The following APLF variants were observed in gnomAD, a reference collection of about 807,000 sequenced individuals.
APLF encodes the protein aprataxin and PNK-like factor.
A neutral mutation model predicts 55.6 loss-of-function variants in APLF; 61 were observed. The observed-to-expected ratio is 1.10, with a 90% CI of 0.89 to 1.36. APLF has a LOEUF of 1.36. APLF is among the 40% of genes most tolerant of loss of function. The probability of loss-of-function intolerance (pLI) is 0.00; values close to 1 mark genes in which losing one functional copy is unlikely to be tolerated. For synonymous variants in APLF, 207 were observed against 214.8 expected (o/e 0.96, Z 0.32); for missense variants, 611 against 602.5 (o/e 1.01, Z -0.15).
chr2:68,520,551 G>A (rs1342751838), intron 5 of APLF, among the ~76,000 whole-genome samples: 2 of 151,980 alleles, frequency 1.3e-5, no homozygotes, highest in African/African-American at 4.8e-5. Context: ...AATTATCCCA[G>A]CACCATTTGT....
rs532957495 is a variant in APLF, at chr2:68,545,043, A to G, written c.1161-144A>G. 11 of 900,510 alleles carry G rather than the reference A, an allele frequency of 1.2e-5. No homozygotes were observed. In the African/African-American group the frequency reaches 1.8e-4, roughly 15 times the overall value. 55.8% of individuals were successfully genotyped at this position (900,510 alleles called of 1,614,324 possible). The stretch of plus-strand genomic sequence containing the variant: ...TGTCATCAATTTAGCATGTTGATGT[A>G]ATCTGCGCTTATGTCATCAATGTAG... On this transcript the variant is annotated intron_variant, in intron 7 of 9. Transcript: ENST00000303795.
At chr2:68,530,535 C>T (rs1237009168) in intron 6 of APLF, among the ~76,000 whole-genome samples, 1 of 152,112 alleles carries the variant, frequency 6.6e-6, no homozygotes, top group Non-Finnish European at 1.5e-5. Flanking sequence ...AGAAATTTGC[C>T]AGTGGATTAT....
At chr2:68,533,159 C>T (rs1366663891) in intron 6 of APLF, among the ~76,000 whole-genome samples, 1 of 152,174 alleles carries the variant, frequency 6.6e-6, no homozygotes, top group Non-Finnish European at 1.5e-5. Context: ...TGCCCTTCCA[C>T]CTTCCCTCAT....
At chr2:68,502,641 T>G in intron 2 of APLF, 90 bp from the exon 3 acceptor site, 1 of 863,934 alleles carries the variant, frequency 1.2e-6, no homozygotes, top group Non-Finnish European at 1.5e-6. Flanking sequence ...GAATTCATAT[T>G]TAATTGTATT....
At chr2:68,475,292 A>G (rs1057112655) in intron 1 of APLF, among the ~76,000 whole-genome samples, 2 of 152,344 alleles carry the variant, frequency 1.3e-5, no homozygotes, top group Admixed American at 6.5e-5. Flanking sequence ...CAAGCCAAAC[A>G]GGTTGGATGA....
At chr2:68,548,035 A>C (rs1670751853) in intron 8 of APLF, among the ~76,000 whole-genome samples, 1 of 151,876 alleles carries the variant, frequency 6.6e-6, no homozygotes, top group South Asian at 2.1e-4. Context: ...TTTAAGAAGG[A>C]AGGTAAGTTT....
intron 1 of APLF, among the ~76,000 whole-genome samples, chr2:68,477,957 G>C (rs1228304477): frequency 6.6e-6 from 1 of 151,656 alleles, no homozygotes; most frequent in African/African-American, 2.4e-5. Context: ...TACAATACAA[G>C]GTGAGATTTG....
chr2:68,517,454 A>G (rs574706905), intron 5 of APLF, among the ~76,000 whole-genome samples: 64 of 138,596 alleles, frequency 4.6e-4, no homozygotes, highest in Non-Finnish European at 9.7e-4. Flanking sequence ...TTATTACTAT[A>G]TATTAATATA....
At position 68,526,221 on chromosome 2, in the gene APLF, A is replaced by G; in HGVS notation, c.783A>G (p.Glu261=). 1 of 1,607,470 alleles carries G rather than the reference A, an allele frequency of 6.2e-7. No individual in the cohort carries two copies. Among genetic ancestry groups the G allele is most frequent in the South Asian group, 1.1e-5 (1 of 88,916 alleles). The stretch of plus-strand genomic sequence containing the variant: ...AAGAGTGCAAAAATACTGATCAGGA[A>G]GAGTCTACCATTTCATCCAAGGTGA... ...TGEECKNTDQ[E]ESTISSKEMP... The change falls in exon 6 of 10, where the codon GAA becomes GAG. Residue 261 remains glutamate (E), a synonymous_variant. Coordinates refer to ENST00000303795, the MANE Select transcript of APLF (RefSeq NM_173545.3).
chr2:68,527,401 C>CT (rs1670094743), intron 6 of APLF, among the ~76,000 whole-genome samples: 1 of 151,434 alleles, frequency 6.6e-6, no homozygotes, highest in Non-Finnish European at 1.5e-5. Flanking sequence ...GTGCTCCTCA[C>CT]TTTCCATACT....
intron 3 of APLF, among the ~76,000 whole-genome samples, chr2:68,504,473 A>G (rs1676816745): frequency 6.6e-6 from 1 of 151,964 alleles, no homozygotes; most frequent in Non-Finnish European, 1.5e-5. Flanking sequence ...ATACAAGGTT[A>G]GTTTATCGTA....
intron 3 of APLF, among the ~76,000 whole-genome samples, chr2:68,504,970 G>A (rs570041823): frequency 1.3e-5 from 2 of 152,156 alleles, no homozygotes; most frequent in South Asian, 4.1e-4. Context: ...GACATATTCT[G>A]TGTCTTGTTA....
At chr2:68,544,016 C>G (rs1670630913) in intron 7 of APLF, among the ~76,000 whole-genome samples, 1 of 138,498 alleles carries the variant, frequency 7.2e-6, no homozygotes, top group South Asian at 2.2e-4. Flanking sequence ...GAGTCTTGCT[C>G]TGTCACCCAG....
At chr2:68,555,000 C>A (rs1004157955) in intron 8 of APLF, among the ~76,000 whole-genome samples, 3 of 151,880 alleles carry the variant, frequency 2.0e-5, no homozygotes, top group Non-Finnish European at 2.9e-5. Context: ...CAGAAAAAAA[C>A]CCCTAATACT....
intron 7 of APLF, 38 bp from the exon 8 acceptor site, chr2:68,545,149 A>ATTT: frequency 1.4e-6 from 2 of 1,478,130 alleles, no homozygotes; most frequent in Non-Finnish European, 1.8e-6. Flanking sequence ...AGAATATCCT[A>ATTT]TTTTTTTTTT....
chr2:68,578,120 T>C lies in APLF; in HGVS notation c.*98T>C. ...GGTACTTAAGTGACAGTTATTTTCC[T>C]TCTTTTGATAGTTAATGACTTTTAC... On this transcript the variant is annotated 3_prime_UTR_variant, in exon 10 of 10. Coordinates refer to ENST00000303795, the MANE Select transcript of APLF (RefSeq NM_173545.3). 1 of 1,465,186 alleles carries C rather than the reference T, an allele frequency of 6.8e-7. No individual in the cohort carries two copies. Among genetic ancestry groups the C allele is most frequent in the Non-Finnish European group, 9.0e-7 (1 of 1,113,208 alleles). The allele number at this position is 1,465,186 out of a possible 1,614,324, so 90.8% of individuals were successfully genotyped here.
At chr2:68,490,330 C>T in intron 2 of APLF, 69 bp downstream of exon 2, 1 of 1,346,950 alleles carries the variant, frequency 7.4e-7, no homozygotes, top group Non-Finnish European at 1.0e-6. Flanking sequence ...GCAGAGGTGC[C>T]TATTTTCTAA....
chr2:68,537,869 C>A lies in APLF; in HGVS notation c.805-3C>A. On this transcript the variant is annotated splice_region_variant and splice_polypyrimidine_tract_variant and intron_variant, in intron 6 of 9. Transcript: ENST00000303795. The stretch of plus-strand genomic sequence containing the variant: ...TCTGATGTTTTTCATATTTGTTTTA[C>A]AGGAAATGCCACAATCATTTTCTGC... The A allele has an allele frequency of 6.5e-7, 1 of 1,538,850 alleles. No homozygotes were observed.
chr2:68,572,439 G>A (rs1671495690), intron 9 of APLF, among the ~76,000 whole-genome samples: 1 of 152,084 alleles, frequency 6.6e-6, no homozygotes, highest in Non-Finnish European at 1.5e-5. Context: ...AGATTTAATA[G>A]AAAGTAAAAG....
Sources: gnomAD v4.1 joint callset for allele counts (sites outside exome capture counted in the v4.1 genomes callset) on GRCh38, gnomAD v4.1.1 for gene constraint, MANE v1.5 for transcripts, NCBI Gene and HGNC (gene_info 2026-07-23, HGNC 2026-07-21) for gene names.